The following OPRM1 variants were observed in gnomAD, a reference collection of about 807,000 sequenced individuals.
OPRM1 encodes the protein mu-type opioid receptor.
Under a neutral mutation model 31.8 loss-of-function variants are expected in OPRM1, and 27 were observed. The ratio of observed to expected loss-of-function variants is 0.85; its 90% CI spans 0.63 to 1.17. The LOEUF (loss-of-function observed/expected upper bound fraction) is 1.17, where lower values mean the gene tolerates loss of function less well. Among genes scored for constraint, OPRM1 ranks in the 50% most tolerant of loss-of-function variants. The pLI, the probability that OPRM1 is intolerant of heterozygous loss-of-function variation, is 0.00. For synonymous variants in OPRM1, 196 were observed against 189.9 expected, an observed-to-expected ratio of 1.03 and a Z score of -0.26; for missense variants, 536 against 511.1, an observed-to-expected ratio of 1.05 and a Z score of -0.47.
In OPRM1 at chr6:154,122,166, T is replaced by C. The variant is rs1449930985; in HGVS notation, c.*3445T>C. 1.3e-5 allele frequency among the ~76,000 whole-genome samples: 2 copies of C among 152,142 alleles called. No individual in the cohort carries two copies. Among genetic ancestry groups the C allele is most frequent in the Non-Finnish European group, 2.9e-5 (2 of 68,018 alleles). ...TCTTAACTGGCCACACACACACAAG[T>C]TGTGTTTGTACAATTCTTGAGGTCA... On this transcript the variant is annotated 3_prime_UTR_variant, in exon 4 of 4. Coordinates refer to ENST00000330432, the MANE Select transcript of OPRM1 (RefSeq NM_000914.5).
intron 3 of OPRM1, among the ~76,000 whole-genome samples, chr6:154,242,887 C>CAAAGA (rs10692865): frequency 0.32 from 49,058 of 151,388 alleles, 8,767 homozygotes; most frequent in East Asian, 0.67. Flanking sequence ...GACTCCGTCT[C>CAAAGA]AAAGAAAAGA....
intron 3 of OPRM1, among the ~76,000 whole-genome samples, chr6:154,100,008 G>A (rs979173941): frequency 8.1e-6 from 1 of 123,280 alleles, no homozygotes; most frequent in African/African-American, 3.0e-5. Flanking sequence ...ATCATATTAT[G>A]ATATATATCA....
At chr6:154,034,273 G>C (rs572815502), upstream of OPRM1, among the ~76,000 whole-genome samples, 2 of 152,180 alleles carry the variant, frequency 1.3e-5, no homozygotes, top group African/African-American at 4.8e-5. Context: ...GGCCGGGCGC[G>C]GTGGCTCACG....
At chr6:154,067,410 G>C (rs761484925) in intron 1 of OPRM1, among the ~76,000 whole-genome samples, 7 of 151,260 alleles carry the variant, frequency 4.6e-5, no homozygotes, top group Non-Finnish European at 7.4e-5. Context: ...TTGAACCATT[G>C]TTTATTTAAG....
intron 1 of OPRM1, among the ~76,000 whole-genome samples, chr6:154,015,269 G>T (rs192724382): frequency 1.5e-4 from 23 of 151,946 alleles, no homozygotes; most frequent in Admixed American, 1.4e-3. Flanking sequence ...GTCTCATAAC[G>T]GTGTAGAATG....
intron 3 of OPRM1, among the ~76,000 whole-genome samples, chr6:154,105,847 C>T (rs535388309): frequency 2.0e-3 from 304 of 152,286 alleles, no homozygotes; most frequent in African/African-American, 6.8e-3. Flanking sequence ...TCACCTTTTA[C>T]TATTAATGCT....
chr6:154,087,677 C>G, intron 1 of OPRM1: 4 of 792,060 alleles, frequency 5.1e-6, no homozygotes, highest in Non-Finnish European at 6.1e-6. Context: ...TTGCCATTCA[C>G]CATGGCCCCG....
At chr6:154,194,881 T>G (rs1324400415) in intron 3 of OPRM1, among the ~76,000 whole-genome samples, 1 of 152,200 alleles carries the variant, frequency 6.6e-6, no homozygotes, top group Middle Eastern at 3.4e-3. Flanking sequence ...TGATCATATA[T>G]TCAAGGTTTT....
chr6:154,220,728 A>G (rs1778799066), intron 3 of OPRM1, among the ~76,000 whole-genome samples: 1 of 152,184 alleles, frequency 6.6e-6, no homozygotes, highest in African/African-American at 2.4e-5. Flanking sequence ...TGTACTCTGC[A>G]CACAGCCCAC....
chr6:154,058,059 C>A (rs924504061), intron 1 of OPRM1, among the ~76,000 whole-genome samples: 4 of 152,088 alleles, frequency 2.6e-5, no homozygotes, highest in Non-Finnish European at 5.9e-5. Flanking sequence ...TTGTCAATGC[C>A]ACAAAGCATA....
rs374571338 is a variant in OPRM1 at position 154,167,869 on chromosome 6, G to A, written c.1164+76397G>A. 2.1e-5 allele frequency: 29 copies of A among 1,376,754 alleles called. No individual in the cohort carries two copies. The African/African-American group carries it at 2.7e-4, about 13-fold the overall frequency. 85.3% of individuals were successfully genotyped at this position (1,376,754 alleles called of 1,614,324 possible). On this transcript the variant is annotated intron_variant, in intron 3 of 3. Coordinates refer to the OPRM1 transcript ENST00000337049. ...CAAGAATCTCTCTGCAGAACCAGCCGTTCCTTGCCCCACATCCATAGAGTT... is the reference window on the plus strand; with the variant it reads ...CAAGAATCTCTCTGCAGAACCAGCCATTCCTTGCCCCACATCCATAGAGTT...
intron 3 of OPRM1, among the ~76,000 whole-genome samples, chr6:154,219,916 G>A (rs1180197847): frequency 6.6e-6 from 1 of 152,052 alleles, no homozygotes; most frequent in Non-Finnish European, 1.5e-5. Context: ...GGGTGATGCT[G>A]GGGAGGTGAG....
chr6:154,092,195 C>G (rs919322945), intron 3 of OPRM1, among the ~76,000 whole-genome samples: 1 of 151,892 alleles, frequency 6.6e-6, no homozygotes, highest in South Asian at 2.1e-4. Context: ...GTGCCCAGAC[C>G]TACACAGAAA....
intron 1 of OPRM1, among the ~76,000 whole-genome samples, chr6:154,053,431 T>C (rs973619280): frequency 6.6e-6 from 1 of 152,234 alleles, no homozygotes; most frequent in Non-Finnish European, 1.5e-5. Context: ...CTTTTTTCTT[T>C]TCTGTCTGAC....
chr6:154,180,414 A>ATATATTTT (rs1241250621), intron 3 of OPRM1, among the ~76,000 whole-genome samples: 1,036 of 64,898 alleles, frequency 0.016, 6 homozygotes, highest in Non-Finnish European at 0.026. Flanking sequence ...ATATATATAT[A>ATATATTTT]TTTTTTTTTT....
Position 154,211,670 on chromosome 6 carries a change from A to G in OPRM1, c.1165-35023A>G, listed in dbSNP as rs561669769. Among the ~76,000 whole-genome samples the G allele has an allele frequency of 4.8e-4, 73 of 152,332 alleles. 1 individual carries two copies. In the South Asian group the frequency reaches 0.014, roughly 29 times the overall value. On this transcript the variant is annotated intron_variant, in intron 3 of 3. Transcript: ENST00000337049. ...AATCTGACATATTAAAATCAAGAAC[A>G]TGTGTTTACAAAGAGAAATTGTGGA...
rs1434983652 is a variant in OPRM1, at chr6:154,120,236, C to G, written c.*1515C>G. 1.3e-5 allele frequency among the ~76,000 whole-genome samples: 2 copies of G among 152,104 alleles called. No homozygotes were observed. Among genetic ancestry groups the G allele is most frequent in the Non-Finnish European group, 2.9e-5 (2 of 68,006 alleles). ...GTAAAATTTGTATTTTTTCATCAAT[C>G]TGACAAGGCACAAATATGTGCCAGA... On this transcript the variant is annotated 3_prime_UTR_variant, in exon 4 of 4. Coordinates refer to ENST00000330432, the MANE Select transcript of OPRM1 (RefSeq NM_000914.5).
intron 3 of OPRM1, among the ~76,000 whole-genome samples, chr6:154,094,855 A>G (rs1308960369): frequency 1.3e-5 from 2 of 152,202 alleles, no homozygotes; most frequent in African/African-American, 2.4e-5. Context: ...AAGGATAGGT[A>G]TATAGGGAGC....
chr6:154,246,629 G>A, intron 3 of OPRM1: 2 of 1,614,012 alleles, frequency 1.2e-6, no homozygotes, highest in Non-Finnish European at 1.7e-6. Context: ...GACCCCTTCA[G>A]TATCACCCAG....
Sources: gnomAD v4.1 joint callset for allele counts (sites outside exome capture counted in the v4.1 genomes callset) on GRCh38, gnomAD v4.1.1 for gene constraint, MANE v1.5 for transcripts, NCBI Gene and HGNC (gene_info 2026-07-23, HGNC 2026-07-21) for gene names.